ROBO1: variants seen among roughly 807,000 people sequenced by gnomAD.
ROBO1 encodes roundabout guidance receptor 1, also known as roundabout homolog 1.
Under a neutral mutation model 195.9 loss-of-function variants are expected in ROBO1, and 149 were observed. The ratio of observed to expected loss-of-function variants is 0.76; its 90% CI spans 0.67 to 0.87. ROBO1 has a LOEUF of 0.87. ROBO1 is among the 40% of genes least tolerant of loss of function. The pLI is 0.00. For synonymous variants in ROBO1, 816 were observed against 733.2 expected (o/e 1.11, Z -1.82); for missense variants, 1,933 against 2,068.3 (o/e 0.93, Z 1.27).
At chr3:79,384,374 A>C (rs1193482297) in intron 2 of ROBO1, among the ~76,000 whole-genome samples, 1 of 152,108 alleles carries the variant, frequency 6.6e-6, no homozygotes, top group African/African-American at 2.4e-5. Context: ...CATAGTAAAA[A>C]TAAACCTGTT....
chr3:79,141,087 A>C lies in ROBO1; in HGVS notation c.89-15548T>G, dbSNP rs140726305. ...ACATTTTTTTTCCTTGCCCAGTGAT[A>C]TTTCAACATCTGTCCAATTTCTTTT... On this transcript the variant is annotated intron_variant, in intron 2 of 30. Coordinates refer to ENST00000464233, the MANE Select transcript of ROBO1 (RefSeq NM_002941.4). Among the ~76,000 whole-genome samples, 38 of 152,248 alleles carry C rather than the reference A, an allele frequency of 2.5e-4. No homozygotes were observed. In the East Asian group the frequency reaches 7.3e-3, roughly 29 times the overall value.
At chr3:79,266,759 CAT>C (rs1213129775) in intron 2 of ROBO1, among the ~76,000 whole-genome samples, 7 of 151,432 alleles carry the variant, frequency 4.6e-5, no homozygotes, top group African/African-American at 1.5e-4. Flanking sequence ...GGTTTGTAAC[CAT>C]CTGTTTGAAA....
chr3:79,760,236 C>CAAAAAAA (rs11451206), intron 1 of ROBO1, among the ~76,000 whole-genome samples: 60 of 4,516 alleles, frequency 0.013, 17 homozygotes, highest in Non-Finnish European at 0.017. Context: ...GACCCTATCT[C>CAAAAAAA]AAAAAAAAAA....
chr3:79,118,890 A>G (rs2080063075), intron 3 of ROBO1, among the ~76,000 whole-genome samples: 1 of 151,926 alleles, frequency 6.6e-6, no homozygotes, highest in Non-Finnish European at 1.5e-5. Context: ...AATTTGAAGC[A>G]ATCTCTCCAC....
At chr3:79,201,770 T>G (rs1383042227) in intron 2 of ROBO1, among the ~76,000 whole-genome samples, 1 of 151,982 alleles carries the variant, frequency 6.6e-6, no homozygotes, top group East Asian at 1.9e-4. Flanking sequence ...AGATAGTTTT[T>G]TAAGTACAAA....
chr3:78,753,722 T>C (rs1307815806), intron 4 of ROBO1, among the ~76,000 whole-genome samples: 2 of 152,142 alleles, frequency 1.3e-5, no homozygotes, highest in Admixed American at 6.5e-5. Context: ...ATGTGTGTTG[T>C]TCCCCAACCT....
chr3:78,894,852 T>TA (rs1219923537), intron 4 of ROBO1, among the ~76,000 whole-genome samples: 1 of 152,146 alleles, frequency 6.6e-6, no homozygotes, highest in Non-Finnish European at 1.5e-5. Flanking sequence ...GTTAATCAAT[T>TA]AGCTGAGGTC....
intron 3 of ROBO1, among the ~76,000 whole-genome samples, chr3:79,010,840 T>C (rs1023104808): frequency 6.6e-6 from 1 of 152,142 alleles, no homozygotes; most frequent in South Asian, 2.1e-4. Flanking sequence ...GCCCCTCCTA[T>C]TTGCATAGAT....
At chr3:79,142,644 A>G (rs750835354) in intron 2 of ROBO1, among the ~76,000 whole-genome samples, 7 of 152,226 alleles carry the variant, frequency 4.6e-5, no homozygotes, top group Non-Finnish European at 8.8e-5. Flanking sequence ...GTGTGAATAC[A>G]TTGATTAGCA....
At position 78,949,433 on chromosome 3, in the gene ROBO1, G is replaced by C. The variant is rs1222764832; in HGVS notation, c.173-10506C>G. Among the ~76,000 whole-genome samples the C allele has an allele frequency of 6.0e-5, 9 of 150,338 alleles. No homozygotes were observed. In the South Asian group the frequency reaches 1.7e-3, roughly 29 times the overall value. On this transcript the variant is annotated intron_variant, in intron 3 of 30. Transcript: ENST00000464233. ...GGAAAGGATTCCCTATTTAATAAATGGTGCTGGGAAAACTGGCTAGCCATA... is the reference window on the plus strand; with the variant it reads ...GGAAAGGATTCCCTATTTAATAAATCGTGCTGGGAAAACTGGCTAGCCATA...
intron 2 of ROBO1, among the ~76,000 whole-genome samples, chr3:79,225,199 C>A (rs1273579309): frequency 6.6e-6 from 1 of 151,852 alleles, no homozygotes; most frequent in East Asian, 1.9e-4. Flanking sequence ...AAATCCCCAG[C>A]CATAGACTAG....
chr3:79,413,474 GGTGT>G (rs2106875606), intron 2 of ROBO1, among the ~76,000 whole-genome samples: 1 of 152,168 alleles, frequency 6.6e-6, no homozygotes, highest in East Asian at 1.9e-4. Context: ...ATTGTGGTCA[GGTGT>G]GGAGAAAGCT....
chr3:79,511,824 A>G (rs1434561519), intron 2 of ROBO1, among the ~76,000 whole-genome samples: 2 of 152,162 alleles, frequency 1.3e-5, no homozygotes, highest in African/African-American at 4.8e-5. Context: ...GCAGGAACAG[A>G]AAACCAAATA....
intron 2 of ROBO1, among the ~76,000 whole-genome samples, chr3:79,283,013 A>T (rs2031626969): frequency 6.6e-6 from 1 of 152,230 alleles, no homozygotes; most frequent in Non-Finnish European, 1.5e-5. Flanking sequence ...AATAAAAATG[A>T]TCTTGTGAAA....
intron 2 of ROBO1, among the ~76,000 whole-genome samples, chr3:79,372,412 T>C (rs1351107611): frequency 2.0e-5 from 3 of 152,036 alleles, no homozygotes; most frequent in Non-Finnish European, 4.4e-5. Context: ...GGTTTCACCA[T>C]GTTGACCAGG....
At chr3:79,006,755 C>T (rs2077630652) in intron 3 of ROBO1, among the ~76,000 whole-genome samples, 1 of 34,860 alleles carries the variant, frequency 2.9e-5, no homozygotes, top group Non-Finnish European at 6.4e-5. Flanking sequence ...TACAAAATAT[C>T]GGAAAAAAAA....
At chr3:79,720,869 T>G (rs1428483922) in intron 1 of ROBO1, among the ~76,000 whole-genome samples, 1 of 151,158 alleles carries the variant, frequency 6.6e-6, no homozygotes, top group Non-Finnish European at 1.5e-5. Context: ...CTCGGCTCAC[T>G]GCAAGCTCCG....
intron 28 of ROBO1, among the ~76,000 whole-genome samples, chr3:78,613,130 A>T (rs1041649213): frequency 1.3e-5 from 2 of 152,182 alleles, no homozygotes; most frequent in African/African-American, 4.8e-5. Flanking sequence ...GCATGCTTAC[A>T]TTATTTAAAA....
intron 4 of ROBO1, among the ~76,000 whole-genome samples, chr3:78,896,495 T>C (rs974314326): frequency 1.3e-5 from 2 of 151,806 alleles, no homozygotes; most frequent in Non-Finnish European, 2.9e-5. Flanking sequence ...CCCTTGAGAA[T>C]GTACTTTGTG....
Sources: allele counts gnomAD v4.1 joint callset (sites outside exome capture counted in the v4.1 genomes callset), GRCh38; gene constraint gnomAD v4.1.1; transcripts MANE v1.5; gene names NCBI Gene and HGNC (gene_info 2026-07-23, HGNC 2026-07-21).